DPP6: variants seen among roughly 807,000 people sequenced by gnomAD.
DPP6 encodes the protein A-type potassium channel modulatory protein DPP6.
A neutral mutation model predicts 122.6 loss-of-function variants in DPP6; 69 were observed. That is an observed-to-expected ratio of 0.56 (90% CI 0.46 to 0.69). The LOEUF (loss-of-function observed/expected upper bound fraction) is 0.69, where lower values mean the gene tolerates loss of function less well. DPP6 is among the 30% of genes least tolerant of loss of function. The pLI, the probability that DPP6 is intolerant of heterozygous loss-of-function variation, is 0.00. For missense variants in DPP6, 928 were observed against 1,116.9 expected (o/e 0.83, Z 2.41); for synonymous variants, 418 against 433.1 (o/e 0.97, Z 0.43).
chr7:154,421,723 A>G (rs534780840), intron 1 of DPP6, among the ~76,000 whole-genome samples: 10 of 152,342 alleles, frequency 6.6e-5, no homozygotes, highest in African/African-American at 2.2e-4. Flanking sequence ...GTTGTAAAGT[A>G]ACATAATAGA....
intron 1 of DPP6, among the ~76,000 whole-genome samples, chr7:153,984,067 C>G (rs1409863227): frequency 4.2e-5 from 6 of 143,454 alleles, no homozygotes; most frequent in Non-Finnish European, 7.5e-5. Flanking sequence ...CACACACACA[C>G]ACACACACAC....
At chr7:154,263,460 A>G (rs1479455332) in intron 1 of DPP6, among the ~76,000 whole-genome samples, 2 of 152,186 alleles carry the variant, frequency 1.3e-5, no homozygotes, top group East Asian at 3.9e-4. Context: ...AGCTAGATCA[A>G]CCTCCCACAA....
At position 154,755,903 on chromosome 7, in the gene DPP6, C is replaced by G. The variant is rs754647315; in HGVS notation, c.884-13514C>G. Among the ~76,000 whole-genome samples, 2 of 152,156 alleles carry G rather than the reference C, an allele frequency of 1.3e-5. No homozygotes were observed. The highest frequency in any genetic ancestry group is 2.9e-5 in the Non-Finnish European group (2 of 68,044). On this transcript the variant is annotated intron_variant, in intron 8 of 25. Coordinates refer to ENST00000377770, the MANE Select transcript of DPP6 (RefSeq NM_130797.4). This position sits in a 1 kb window ranked among gnomAD's most constrained non-coding sequence, Gnocchi z 4.7. ...CCCCTTCGTAATGATACTGTCCTCA[C>G]CACGTCTTTTTATTATGAAAAGGAA...
At chr7:154,879,763 G>A (rs1477658211) in intron 20 of DPP6, among the ~76,000 whole-genome samples, 5 of 152,140 alleles carry the variant, frequency 3.3e-5, no homozygotes, top group East Asian at 1.9e-4. Flanking sequence ...AAAGAAAACC[G>A]TAAATAAATA....
the DPP6 span, among the ~76,000 whole-genome samples, chr7:153,813,095 T>G: frequency 3.8e-4 from 58 of 152,012 alleles, no homozygotes; most frequent in Non-Finnish European, 6.9e-4. Flanking sequence ...TGTATACATG[T>G]GCCATGCTGG....
chr7:154,787,354 A>G (rs983839949), intron 10 of DPP6, among the ~76,000 whole-genome samples: 1 of 152,120 alleles, frequency 6.6e-6, no homozygotes, highest in Non-Finnish European at 1.5e-5. Context: ...TTTTCCCAAC[A>G]CCATCGATTG....
At chr7:154,366,645 C>T (rs908946454) in intron 1 of DPP6, among the ~76,000 whole-genome samples, 5 of 152,172 alleles carry the variant, frequency 3.3e-5, no homozygotes, top group African/African-American at 1.2e-4. Flanking sequence ...ATGGTAGGCA[C>T]CGCTGCTTAG....
chr7:154,130,962 A>G (rs1420124376), intron 1 of DPP6, among the ~76,000 whole-genome samples: 1 of 152,166 alleles, frequency 6.6e-6, no homozygotes, highest in African/African-American at 2.4e-5. Flanking sequence ...TTGCAGGTGT[A>G]GTGAGAGTCA....
At chr7:154,510,604 C>T (rs1390947455) in intron 3 of DPP6, among the ~76,000 whole-genome samples, 1 of 151,404 alleles carries the variant, frequency 6.6e-6, no homozygotes, top group Admixed American at 6.6e-5. Flanking sequence ...GAGGATGAAG[C>T]AGGAGAATCG....
intron 4 of DPP6, among the ~76,000 whole-genome samples, chr7:154,562,365 A>G (rs1376510999): frequency 6.6e-6 from 1 of 152,206 alleles, no homozygotes; most frequent in Non-Finnish European, 1.5e-5. Context: ...CATCTCAATA[A>G]ATGCAGAAAA....
At chr7:154,697,724 G>T (rs529512151) in intron 7 of DPP6, among the ~76,000 whole-genome samples, 1 of 152,352 alleles carries the variant, frequency 6.6e-6, no homozygotes, top group East Asian at 1.9e-4. Context: ...AGGTGAAAGA[G>T]GTCAGTGTTA....
At chr7:154,470,218 C>G (rs141182043) in intron 2 of DPP6, among the ~76,000 whole-genome samples, 40 of 152,342 alleles carry the variant, frequency 2.6e-4, no homozygotes, top group African/African-American at 9.6e-4. Context: ...CAACCGATTC[C>G]TCACACATCT....
intron 7 of DPP6, among the ~76,000 whole-genome samples, chr7:154,713,097 A>C (rs1303534981): frequency 6.6e-6 from 1 of 152,272 alleles, no homozygotes; most frequent in Non-Finnish European, 1.5e-5. Flanking sequence ...AGCCCCATGC[A>C]TGTCCAAAAT....
At chr7:153,776,984 T>C in the DPP6 span, among the ~76,000 whole-genome samples, 5 of 152,224 alleles carry the variant, frequency 3.3e-5, no homozygotes, top group Admixed American at 3.3e-4. Context: ...GCAAATTACA[T>C]TTCTGACAAA....
intron 20 of DPP6, among the ~76,000 whole-genome samples, chr7:154,879,545 T>C (rs1202411709): frequency 1.1e-5 from 1 of 90,046 alleles, no homozygotes; most frequent in Non-Finnish European, 2.0e-5. Flanking sequence ...GAGCCGAGAT[T>C]GTGCCACTGC....
intron 1 of DPP6, among the ~76,000 whole-genome samples, chr7:154,414,088 G>T (rs1284135490): frequency 6.6e-6 from 1 of 152,114 alleles, no homozygotes; most frequent in African/African-American, 2.4e-5. Flanking sequence ...AGACTCTATT[G>T]TGTTATAACT....
chr7:154,262,389 A>G (rs1803085716), intron 1 of DPP6, among the ~76,000 whole-genome samples: 1 of 152,154 alleles, frequency 6.6e-6, no homozygotes, highest in South Asian at 2.1e-4. Context: ...TCCTTATGAG[A>G]AGAGAACATT....
intron 3 of DPP6, among the ~76,000 whole-genome samples, chr7:154,513,970 A>G (rs1826286944): frequency 6.6e-6 from 1 of 152,160 alleles, no homozygotes; most frequent in Non-Finnish European, 1.5e-5. Context: ...TTTGGGTCTG[A>G]ATGAAATTAA....
intron 1 of DPP6, among the ~76,000 whole-genome samples, chr7:154,437,042 G>A (rs116828190): frequency 6.6e-6 from 1 of 152,166 alleles, no homozygotes; most frequent in Non-Finnish European, 1.5e-5. Context: ...ACACCACTCT[G>A]GTAGACAGAC....
Sources: gnomAD v4.1 joint callset for allele counts (sites outside exome capture counted in the v4.1 genomes callset) on GRCh38, gnomAD v4.1.1 for gene constraint, Gnocchi (gnomAD v3.1) non-coding constraint, MANE v1.5 for transcripts, NCBI Gene and HGNC (gene_info 2026-07-23, HGNC 2026-07-21) for gene names.